The following CPAP variants were observed in gnomAD, a reference collection of about 807,000 sequenced individuals.
The protein encoded by CPAP is centrosome assembly and centriole elongation protein.
At chr13:24,885,653 A>G in the CPAP span, 102 of 1,612,796 alleles carry the variant, frequency 6.3e-5, no homozygotes, top group Non-Finnish European at 8.1e-5. Flanking sequence ...GCAGACTTGG[A>G]TCTTCGAGGT....
chr13:24,883,326 G>A, the CPAP span: 2 of 1,613,668 alleles, frequency 1.2e-6, no homozygotes, highest in Non-Finnish European at 1.7e-6. Context: ...GCAGTATGTA[G>A]TTCTCTTTGG....
the CPAP span, among the ~76,000 whole-genome samples, chr13:24,911,131 AT>A: frequency 6.6e-6 from 1 of 152,188 alleles, no homozygotes; most frequent in African/African-American, 2.4e-5. Flanking sequence ...CGGATGTAGC[AT>A]TTTTTAAAAT....
the CPAP span, among the ~76,000 whole-genome samples, chr13:24,933,969 G>A: frequency 3.3e-5 from 5 of 152,066 alleles, no homozygotes; most frequent in Admixed American, 6.6e-5. Context: ...CATGTCATCC[G>A]CCTGTCTCGG....
chr13:24,923,084 C>T, the CPAP span, among the ~76,000 whole-genome samples: 1 of 152,224 alleles, frequency 6.6e-6, no homozygotes, highest in African/African-American at 2.4e-5. Flanking sequence ...CCGGGAGAGA[C>T]CTTCCGTGGT....
the CPAP span, chr13:24,910,107 C>T: frequency 1.9e-5 from 30 of 1,607,554 alleles, no homozygotes; most frequent in Admixed American, 3.2e-4. Flanking sequence ...AGAAATGCAA[C>T]AAAGCTGATG....
the CPAP span, chr13:24,884,327 C>A: frequency 6.2e-7 from 1 of 1,614,040 alleles, no homozygotes; most frequent in South Asian, 1.1e-5. Context: ...ACATACCACT[C>A]TTTGGTCTGG....
chr13:24,916,255 C>G, the CPAP span, among the ~76,000 whole-genome samples: 89,815 of 152,002 alleles, frequency 0.59, 27,814 homozygotes, highest in East Asian at 0.72. Flanking sequence ...AGTGGAATAA[C>G]ATCTCACACT....
chr13:24,898,676 A>G, the CPAP span, among the ~76,000 whole-genome samples: 1 of 152,232 alleles, frequency 6.6e-6, no homozygotes, highest in Non-Finnish European at 1.5e-5. Context: ...CAATAACTCA[A>G]GCTGTACGTG....
chr13:24,898,220 C>G, the CPAP span, among the ~76,000 whole-genome samples: 1 of 152,064 alleles, frequency 6.6e-6, no homozygotes, highest in African/African-American at 2.4e-5. Context: ...TTAAAGGTGT[C>G]TTTCTCAGAG....
chr13:24,884,521 A>C, the CPAP span: 1 of 1,545,140 alleles, frequency 6.5e-7, no homozygotes, highest in Non-Finnish European at 8.9e-7. Flanking sequence ...AGTATGGCTA[A>C]TTCTCCTCCC....
chr13:24,890,007 A>G, the CPAP span, among the ~76,000 whole-genome samples: 29 of 152,174 alleles, frequency 1.9e-4, no homozygotes, highest in African/African-American at 6.0e-4. Context: ...TATCAATACT[A>G]TCAACATCTG....
the CPAP span, chr13:24,905,652 C>G: frequency 6.2e-7 from 1 of 1,614,226 alleles, no homozygotes; most frequent in Non-Finnish European, 8.5e-7. Context: ...CAAGTTCTTT[C>G]ATCATCAAAG....
chr13:24,886,442 A>C, the CPAP span: 1 of 977,532 alleles, frequency 1.0e-6, no homozygotes, highest in South Asian at 1.3e-5. Context: ...TATAGGTCCC[A>C]AACTGCCACA....
At chr13:24,885,303 CT>C in the CPAP span, 3 of 1,612,328 alleles carry the variant, frequency 1.9e-6, no homozygotes, top group South Asian at 3.3e-5. Flanking sequence ...TGATTTCTCC[CT>C]GTATGTCTTG....
At chr13:24,907,254 A>C in the CPAP span, 1 of 1,363,790 alleles carries the variant, frequency 7.3e-7, no homozygotes, top group South Asian at 1.2e-5. Flanking sequence ...TTTTACACTT[A>C]GTGTGCCTGG....
the CPAP span, among the ~76,000 whole-genome samples, chr13:24,914,598 T>C: frequency 6.6e-6 from 1 of 152,112 alleles, no homozygotes; most frequent in Non-Finnish European, 1.5e-5. Flanking sequence ...AGACAAAACA[T>C]ATATTCTTAT....
the CPAP span, among the ~76,000 whole-genome samples, chr13:24,927,362 G>C: frequency 6.6e-6 from 1 of 152,136 alleles, no homozygotes; most frequent in Admixed American, 6.5e-5. Flanking sequence ...ACAATTAAAA[G>C]CCAGCCATAT....
At chr13:24,886,035 ATAAATG>A in the CPAP span, 1 of 371,796 alleles carries the variant, frequency 2.7e-6, no homozygotes, top group Non-Finnish European at 5.2e-6. Context: ...TAGTTAAAAC[ATAAATG>A]CCCTTGTGGC....
the CPAP span, among the ~76,000 whole-genome samples, chr13:24,891,618 A>G: frequency 1.3e-5 from 2 of 151,972 alleles, no homozygotes; most frequent in Non-Finnish European, 2.9e-5. Flanking sequence ...TCCACCCGCC[A>G]CTGCCACCCA....
Sources: allele counts gnomAD v4.1 joint callset (sites outside exome capture counted in the v4.1 genomes callset), GRCh38; gene constraint gnomAD v4.1.1; transcripts MANE v1.5; gene names NCBI Gene and HGNC (gene_info 2026-07-23, HGNC 2026-07-21).